Variants in SLC9B2 observed in about 807,000 individuals in gnomAD.
SLC9B2 encodes sodium/hydrogen exchanger 9B2.
In SLC9B2, 39 loss-of-function variants were observed where a neutral mutation model predicts 52.2. That is an observed-to-expected ratio of 0.75 (90% CI 0.58 to 0.98). The LOEUF (loss-of-function observed/expected upper bound fraction) is 0.98, where lower values mean the gene tolerates loss of function less well. Among genes scored for constraint, SLC9B2 ranks in the 50% least tolerant of loss-of-function variants. SLC9B2 has a pLI of 0.00. For missense variants in SLC9B2, 626 were observed against 637.5 expected, an observed-to-expected ratio of 0.98 and a Z score of 0.19; for synonymous variants, 214 against 227.0, an observed-to-expected ratio of 0.94 and a Z score of 0.51.
At chr4:103,037,705 T>C (rs751000247) in intron 9 of SLC9B2, among the ~76,000 whole-genome samples, 21 of 152,206 alleles carry the variant, frequency 1.4e-4, no homozygotes, top group Admixed American at 1.3e-3. Flanking sequence ...CACTTTCTCA[T>C]GTGTAGAACA....
At chr4:103,018,199 G>A (rs560078658), downstream of SLC9B2, among the ~76,000 whole-genome samples, 4 of 152,250 alleles carry the variant, frequency 2.6e-5, no homozygotes, top group African/African-American at 9.6e-5. Context: ...CTATAAAAAC[G>A]ATACTTTATA....
intron 1 of SLC9B2, among the ~76,000 whole-genome samples, chr4:103,075,414 C>T (rs774416189): frequency 4.9e-4 from 74 of 152,236 alleles, no homozygotes; most frequent in Non-Finnish European, 9.9e-4. Context: ...CCTCACAAAG[C>T]CTTAACAAGT....
At chr4:103,043,122 T>C (rs1439393661) in intron 9 of SLC9B2, among the ~76,000 whole-genome samples, 174 bp downstream of exon 9, 3 of 152,164 alleles carry the variant, frequency 2.0e-5, no homozygotes, top group Non-Finnish European at 2.9e-5. Context: ...AAGTTATAGA[T>C]TGATGTGTAA....
downstream of SLC9B2, among the ~76,000 whole-genome samples, chr4:103,022,032 T>C (rs976016824): frequency 9.9e-5 from 15 of 152,236 alleles, no homozygotes; most frequent in African/African-American, 3.6e-4. Context: ...ACATATCTTA[T>C]TTCCTTCTAA....
intron 8 of SLC9B2, 94 bp downstream of exon 8, chr4:103,044,796 C>T (rs775968029): frequency 3.0e-6 from 3 of 1,009,414 alleles, no homozygotes; most frequent in Non-Finnish European, 4.6e-6. Context: ...TTTGCTCAAA[C>T]ATGTCCTTCA....
intron 10 of SLC9B2, among the ~76,000 whole-genome samples, chr4:103,029,728 A>G (rs1742533236): frequency 6.6e-6 from 1 of 152,152 alleles, no homozygotes; most frequent in Admixed American, 6.6e-5. Context: ...CCTGAGTATT[A>G]GGGTGATTTT....
Position 103,047,213 on chromosome 4 carries a change from C to A in SLC9B2, c.727G>T (p.Ala243Ser). Residue 243 changes from alanine (A) to serine (S), a missense_variant, in exon 7 of 12, where the codon GCT (alanine) becomes TCT (serine). Ala to Ser is a moderately conservative substitution (Grantham distance 99). Transcript: ENST00000394785. ...GGCACCACAACAGCTGGAGATACAG[C>A]ACCTAAAACAAAACTAGGCAGACAG... ...WGFILGFVLG[A>S]VSPAVVVPSM... 6.2e-7 allele frequency: 1 copy of A among 1,612,360 alleles called. No homozygotes were observed. The highest frequency in any genetic ancestry group is 8.5e-7 in the Non-Finnish European group (1 of 1,179,142).
intron 4 of SLC9B2, among the ~76,000 whole-genome samples, chr4:103,052,823 A>ACTT (rs1744807029): frequency 6.6e-6 from 1 of 151,898 alleles, no homozygotes; most frequent in Non-Finnish European, 1.5e-5. Context: ...GTGGGATTAC[A>ACTT]GGTATGAGCC....
chr4:103,060,807 T>C (rs968585228), intron 3 of SLC9B2, among the ~76,000 whole-genome samples: 1 of 152,256 alleles, frequency 6.6e-6, no homozygotes, highest in African/African-American at 2.4e-5. Flanking sequence ...AAAATGTTTT[T>C]TGAAAATAGA....
intron 3 of SLC9B2, among the ~76,000 whole-genome samples, chr4:103,059,138 T>C (rs1745410558): frequency 6.6e-6 from 1 of 152,112 alleles, no homozygotes; most frequent in Admixed American, 6.5e-5. Flanking sequence ...GAAAAGTTTA[T>C]GGGAAAAAGA....
At chr4:103,067,709 T>C in intron 1 of SLC9B2, 117 bp from the exon 2 acceptor site, 1 of 611,550 alleles carries the variant, frequency 1.6e-6, no homozygotes, top group Admixed American at 2.9e-5. Flanking sequence ...TATTTGAAAT[T>C]AGACTATTCT....
At chr4:103,054,360 C>T (rs763314224) in intron 4 of SLC9B2, among the ~76,000 whole-genome samples, 15 of 152,122 alleles carry the variant, frequency 9.9e-5, no homozygotes, top group Admixed American at 3.3e-4. Flanking sequence ...ACATAAAATG[C>T]GATCTTAGAG....
intron 3 of SLC9B2, among the ~76,000 whole-genome samples, chr4:103,061,001 A>G (rs946671346): frequency 3.9e-5 from 6 of 152,142 alleles, no homozygotes; most frequent in African/African-American, 1.4e-4. Context: ...TCAACTTTAT[A>G]TGGGTGAAGG....
chr4:103,038,229 T>G (rs2110591282), intron 9 of SLC9B2, among the ~76,000 whole-genome samples: 1 of 152,318 alleles, frequency 6.6e-6, no homozygotes, highest in Non-Finnish European at 1.5e-5. Flanking sequence ...TTTAGATTAC[T>G]TAGACTTTTG....
intron 8 of SLC9B2, among the ~76,000 whole-genome samples, chr4:103,044,273 G>A (rs1340341154): frequency 1.3e-5 from 2 of 152,088 alleles, no homozygotes; most frequent in African/African-American, 2.4e-5. Flanking sequence ...CTATTTTGTC[G>A]GTTGTACTAG....
In SLC9B2 at chr4:103,026,228, A is replaced by C; in HGVS notation, c.*142T>G. 1 of 726,790 alleles carries C rather than the reference A, an allele frequency of 1.4e-6. No individual in the cohort carries two copies. Among genetic ancestry groups the C allele is most frequent in the Non-Finnish European group, 2.2e-6 (1 of 451,974 alleles). The allele number at this position is 726,790 out of a possible 1,614,324, so 45.0% of individuals were successfully genotyped here. ...CATTACCACCCACATGGAAAGAGCA[A>C]GGGCTAAAAATGCTGTTTAAAGAAA... On this transcript the variant is annotated 3_prime_UTR_variant, in exon 12 of 12. Transcript: ENST00000394785.
intron 1 of SLC9B2, among the ~76,000 whole-genome samples, chr4:103,074,890 G>A (rs539396741): frequency 2.6e-5 from 4 of 152,188 alleles, no homozygotes; most frequent in African/African-American, 9.6e-5. Context: ...CTCCAACATT[G>A]ACAAACTGTC....
chr4:103,065,979 G>A (rs1746088141), intron 3 of SLC9B2, among the ~76,000 whole-genome samples: 1 of 152,188 alleles, frequency 6.6e-6, no homozygotes, highest in Non-Finnish European at 1.5e-5. Context: ...TTACTTAACA[G>A]TAATAACAAC....
intron 1 of SLC9B2, among the ~76,000 whole-genome samples, chr4:103,072,527 TAGAG>T (rs1746752984): frequency 6.6e-6 from 1 of 152,242 alleles, no homozygotes; most frequent in African/African-American, 2.4e-5. Flanking sequence ...TGTTTTCACA[TAGAG>T]AGATATTTGT....
Sources: allele counts gnomAD v4.1 joint callset (sites outside exome capture counted in the v4.1 genomes callset), GRCh38; gene constraint gnomAD v4.1.1; transcripts MANE v1.5; gene names NCBI Gene and HGNC (gene_info 2026-07-23, HGNC 2026-07-21).